Variants in CEP85L observed in about 807,000 individuals in gnomAD.
The protein encoded by CEP85L is centrosomal protein of 85 kDa-like.
CEP85L carries 60 observed loss-of-function variants against 100.3 expected under a neutral mutation model. The ratio of observed to expected loss-of-function variants is 0.60; its 90% CI spans 0.49 to 0.74. CEP85L has a LOEUF of 0.74. Ranked by LOEUF, CEP85L falls within the 30% of genes least tolerant of loss-of-function variation. CEP85L has a pLI of 0.00. For missense variants in CEP85L, 973 were observed against 936.2 expected, an observed-to-expected ratio of 1.04 and a Z score of -0.51; for synonymous variants, 319 against 322.7, an observed-to-expected ratio of 0.99 and a Z score of 0.12.
At chr6:118,662,358 C>A (rs1027318778) in intron 1 of CEP85L, among the ~76,000 whole-genome samples, 1 of 151,866 alleles carries the variant, frequency 6.6e-6, no homozygotes, top group Non-Finnish European at 1.5e-5. Flanking sequence ...GGTGAAACTC[C>A]GTCTCTACTG....
intron 1 of CEP85L, 90 bp downstream of exon 1, chr6:118,651,107 C>A: frequency 7.1e-7 from 1 of 1,416,974 alleles, no homozygotes; most frequent in Non-Finnish European, 9.1e-7. Context: ...TAAGACAGGC[C>A]TGAGGCGGGA....
intron 2 of CEP85L, among the ~76,000 whole-genome samples, chr6:118,612,021 A>G (rs1772662632): frequency 6.6e-6 from 1 of 152,210 alleles, no homozygotes; most frequent in Non-Finnish European, 1.5e-5. Context: ...CCCCACTACA[A>G]CAGCAGAATA....
At chr6:118,644,863 C>A (rs1775081409) in intron 1 of CEP85L, among the ~76,000 whole-genome samples, 1 of 152,172 alleles carries the variant, frequency 6.6e-6, no homozygotes, top group South Asian at 2.1e-4. Context: ...TTGCCCCACT[C>A]CTCTACAATT....
At chr6:118,702,502 AC>A (rs1202441494) in intron 1 of CEP85L, among the ~76,000 whole-genome samples, 1 of 152,122 alleles carries the variant, frequency 6.6e-6, no homozygotes, top group African/African-American at 2.4e-5. Context: ...ACAGAGGGAG[AC>A]CCCATCTCAA....
chr6:118,480,801 C>T (rs1470990312), intron 8 of CEP85L, among the ~76,000 whole-genome samples: 1 of 152,036 alleles, frequency 6.6e-6, no homozygotes, highest in Admixed American at 6.6e-5. Flanking sequence ...TCCTTCATTA[C>T]CCAAATCTGA....
intron 1 of CEP85L, among the ~76,000 whole-genome samples, chr6:118,667,670 C>T (rs865914422): frequency 6.6e-6 from 1 of 152,150 alleles, no homozygotes; most frequent in Non-Finnish European, 1.5e-5. Context: ...ATTCATTTCT[C>T]TATTCACAAG....
intron 1 of CEP85L, among the ~76,000 whole-genome samples, chr6:118,666,891 G>T (rs148986986): frequency 9.0e-4 from 137 of 152,292 alleles, no homozygotes; most frequent in African/African-American, 3.1e-3. Context: ...CATTGTTGGG[G>T]TCTGAAGGTA....
In CEP85L at chr6:118,640,727, G is replaced by A. The variant is rs866513456; in HGVS notation, c.74-8116C>T. ...TTTTTTTAAGTAGAGATGGGGTTTCGCCATGTTGGCCAGGCTGGTCTCGAA... is the reference window on the plus strand; with the variant it reads ...TTTTTTTAAGTAGAGATGGGGTTTCACCATGTTGGCCAGGCTGGTCTCGAA... On this transcript the variant is annotated intron_variant, in intron 1 of 12. Transcript: ENST00000368491. Among the ~76,000 whole-genome samples, 20 of 152,038 alleles carry A rather than the reference G, an allele frequency of 1.3e-4. No individual in the cohort carries two copies. In the South Asian group the frequency reaches 1.5e-3, roughly 11 times the overall value.
intron 12 of CEP85L, 75 bp downstream of exon 12, chr6:118,468,997 G>A (rs1269998179): frequency 1.1e-6 from 1 of 939,432 alleles, no homozygotes; most frequent in African/African-American, 1.6e-5. Context: ...CAGAGAAAAG[G>A]CAGTCGGAAG....
Position 118,660,431 on chromosome 6 carries a change from A to T in CEP85L, c.-27-7623T>A, listed in dbSNP as rs1193806018. On this transcript the variant is annotated intron_variant, in intron 1 of 13. Transcript: ENST00000368488. Reference sequence around the variant, plus strand: ...GCAGTCAGGAGCTGGGGGAGTTGGCAGATTGCCAGATAAGGGGCCATACTG... The same window carrying T: ...GCAGTCAGGAGCTGGGGGAGTTGGCTGATTGCCAGATAAGGGGCCATACTG... Among the ~76,000 whole-genome samples the T allele has an allele frequency of 2.6e-5, 4 of 152,340 alleles. No homozygotes were observed. In the East Asian group the frequency reaches 7.7e-4, roughly 29 times the overall value.
At chr6:118,538,566 T>C (rs1777732315) in intron 3 of CEP85L, among the ~76,000 whole-genome samples, 1 of 152,040 alleles carries the variant, frequency 6.6e-6, no homozygotes, top group Non-Finnish European at 1.5e-5. Flanking sequence ...TTATATATCA[T>C]CGGTTAGTAT....
At position 118,637,539 on chromosome 6, in the gene CEP85L, GAA is replaced by G. The variant is rs72324250; in HGVS notation, c.74-4930_74-4929del. ...ATGGCAAAAGCCCATCTCTACAAAA[GAA>G]AAAAAAAAAAAAATTCAAAAAAATG... On this transcript the variant is annotated intron_variant, in intron 1 of 12. Coordinates refer to ENST00000368491, the MANE Select transcript of CEP85L (RefSeq NM_001042475.3). Among the ~76,000 whole-genome samples the G allele has an allele frequency of 2.9e-3, 402 of 137,290 alleles. 2 individuals are homozygous for G. Among genetic ancestry groups the G allele is most frequent in the African/African-American group, 9.0e-3 (332 of 37,082 alleles). The allele number at this position is 137,290 out of a possible 152,430, so 90.1% of individuals were successfully genotyped here.
chr6:118,524,136 C>T (rs983766737), intron 3 of CEP85L, among the ~76,000 whole-genome samples: 1 of 152,046 alleles, frequency 6.6e-6, no homozygotes, highest in Non-Finnish European at 1.5e-5. Flanking sequence ...TTAATGACAA[C>T]AGAACGTTTA....
intron 2 of CEP85L, among the ~76,000 whole-genome samples, chr6:118,582,451 T>A (rs1375197526): frequency 6.6e-6 from 1 of 152,108 alleles, no homozygotes; most frequent in Non-Finnish European, 1.5e-5. Context: ...AATATGGATA[T>A]AAGCAACATG....
chr6:118,611,283 G>T (rs1238898651), intron 2 of CEP85L, among the ~76,000 whole-genome samples: 1 of 151,768 alleles, frequency 6.6e-6, no homozygotes, highest in Non-Finnish European at 1.5e-5. Flanking sequence ...CACTCAAAGT[G>T]GTAAAAAAAA....
At chr6:118,518,074 T>C (rs1262482354) in intron 4 of CEP85L, among the ~76,000 whole-genome samples, 2 of 152,222 alleles carry the variant, frequency 1.3e-5, no homozygotes, top group East Asian at 1.9e-4. Flanking sequence ...ATCCCAGGGA[T>C]GACGCCGACT....
chr6:118,616,932 G>A (rs1176815311), intron 2 of CEP85L, among the ~76,000 whole-genome samples: 2 of 149,962 alleles, frequency 1.3e-5, no homozygotes, highest in South Asian at 2.1e-4. Context: ...GCAAGAGAGC[G>A]AGACTCTGTG....
At chr6:118,466,455 G>A (rs1271460994) in intron 12 of CEP85L, among the ~76,000 whole-genome samples, 1 of 152,148 alleles carries the variant, frequency 6.6e-6, no homozygotes, top group Non-Finnish European at 1.5e-5. Flanking sequence ...TGAACACAGT[G>A]AGGTACTGTG....
chr6:118,576,365 G>A lies in CEP85L; in HGVS notation c.233-10049C>T, dbSNP rs143459837. ...CTCCTAACAACTGAAATAGCACTCCGGAAAGCCGAAAAAGGGTGAACCCAC... is the reference window on the plus strand; with the variant it reads ...CTCCTAACAACTGAAATAGCACTCCAGAAAGCCGAAAAAGGGTGAACCCAC... On this transcript the variant is annotated intron_variant, in intron 2 of 12. Coordinates refer to ENST00000368491, the MANE Select transcript of CEP85L (RefSeq NM_001042475.3). 7.9e-4 allele frequency among the ~76,000 whole-genome samples: 120 copies of A among 152,272 alleles called. No homozygotes were observed. The East Asian group carries it at 0.011, about 13-fold the overall frequency.
Sources: gnomAD v4.1 joint callset for allele counts (sites outside exome capture counted in the v4.1 genomes callset) on GRCh38, gnomAD v4.1.1 for gene constraint, MANE v1.5 for transcripts, NCBI Gene and HGNC (gene_info 2026-07-23, HGNC 2026-07-21) for gene names.